Variants in ATXN10 observed in about 807,000 individuals in gnomAD.
The protein encoded by ATXN10 is ataxin 10, also known as ataxin-10.
Under a neutral mutation model 52.9 loss-of-function variants are expected in ATXN10, and 28 were observed. The ratio of observed to expected loss-of-function variants is 0.53; its 90% CI spans 0.39 to 0.73. The LOEUF is 0.73. ATXN10 is among the 30% of genes least tolerant of loss of function. The pLI, the probability that ATXN10 is intolerant of heterozygous loss-of-function variation, is 0.00. For synonymous variants in ATXN10, 226 were observed against 221.5 expected, an observed-to-expected ratio of 1.02 and a Z score of -0.18; for missense variants, 565 against 577.0, an observed-to-expected ratio of 0.98 and a Z score of 0.21.
chr22:45,844,567 A>C lies in ATXN10; in HGVS notation c.*896A>C, dbSNP rs1433118428. On this transcript the variant is annotated 3_prime_UTR_variant, in exon 12 of 12. Transcript: ENST00000252934. Reference sequence around the variant, plus strand: ...GGGAGCAGGAGTTTATTTGACATCTAGTTATCTGTCTGTCTGTTCATCTAT... The same window carrying C: ...GGGAGCAGGAGTTTATTTGACATCTCGTTATCTGTCTGTCTGTTCATCTAT... The C allele has an allele frequency of 6.6e-6, 1 of 152,216 alleles. No homozygotes were observed. Among genetic ancestry groups the C allele is most frequent in the African/African-American group, 2.4e-5 (1 of 41,454 alleles). The allele number at this position is 152,216 out of a possible 1,614,324, so 9.4% of individuals were successfully genotyped here. A position where few individuals can be genotyped will look rare whatever the true frequency, so the allele number is the denominator to read the frequency against.
At position 45,790,359 on chromosome 22, in the gene ATXN10, G is replaced by A. The variant is rs1000360356; in HGVS notation, c.1174-16600G>A. The stretch of plus-strand genomic sequence containing the variant: ...AATTAAAAAAGTTAACAGGACACGA[G>A]ATTATCAAAACATTGCCCCCCCGCC... On this transcript the variant is annotated intron_variant, in intron 9 of 11. Transcript: ENST00000252934. The surrounding 1 kb of genome is among the most constrained non-coding windows in gnomAD (Gnocchi z 4.7). Among the ~76,000 whole-genome samples, 1 of 152,020 alleles carries A rather than the reference G, an allele frequency of 6.6e-6. No homozygotes were observed. Among genetic ancestry groups the A allele is most frequent in the East Asian group, 1.9e-4 (1 of 5,186 alleles).
At chr22:45,831,784 A>C (rs1929000513) in intron 10 of ATXN10, among the ~76,000 whole-genome samples, 1 of 152,138 alleles carries the variant, frequency 6.6e-6, no homozygotes, top group South Asian at 2.1e-4. Context: ...ACATATTGAG[A>C]GATCATTTTG....
chr22:45,711,359 C>T (rs1027726740), intron 5 of ATXN10, among the ~76,000 whole-genome samples: 1 of 151,956 alleles, frequency 6.6e-6, no homozygotes, highest in African/African-American at 2.4e-5. Flanking sequence ...TAGTGGTTGT[C>T]GGGGATTGAG....
intron 9 of ATXN10, among the ~76,000 whole-genome samples, chr22:45,778,461 T>C (rs1389586492): frequency 6.6e-6 from 1 of 152,216 alleles, no homozygotes; most frequent in Admixed American, 6.5e-5. Flanking sequence ...AAAGCATAAG[T>C]AGAGTACATG....
At chr22:45,748,661 G>A (rs1925831407) in intron 9 of ATXN10, among the ~76,000 whole-genome samples, 4 of 152,092 alleles carry the variant, frequency 2.6e-5, no homozygotes, top group African/African-American at 2.4e-5. Flanking sequence ...CGTTTTTCCT[G>A]TGTTTTTCCT....
chr22:45,707,962 A>G (rs575106979), intron 5 of ATXN10, among the ~76,000 whole-genome samples: 7 of 152,350 alleles, frequency 4.6e-5, no homozygotes, highest in Admixed American at 3.9e-4. Context: ...GTGGCAAATA[A>G]TACAAAACTA....
At chr22:45,747,282 A>T (rs1007403180) in intron 9 of ATXN10, among the ~76,000 whole-genome samples, 1 of 152,034 alleles carries the variant, frequency 6.6e-6, no homozygotes, top group Non-Finnish European at 1.5e-5. Context: ...GAGGCGGGAG[A>T]TTGTTTGAGC....
chr22:45,763,574 AC>A lies in ATXN10; in HGVS notation c.1173+23040del, dbSNP rs745560187. On this transcript the variant is annotated intron_variant, in intron 9 of 11. Transcript: ENST00000252934. This position sits in a 1 kb window ranked among gnomAD's most constrained non-coding sequence, Gnocchi z 6.9. ...CTGCCCCCTACCTGTTAAAAGTCGG[AC>A]CCCACCACGCCCCCCACCTCTCTGT... Among the ~76,000 whole-genome samples, 69 of 151,480 alleles carry A rather than the reference AC, an allele frequency of 4.6e-4. No homozygotes were observed. Among genetic ancestry groups the A allele is most frequent in the Non-Finnish European group, 8.6e-4 (58 of 67,824 alleles).
At position 45,789,430 on chromosome 22, in the gene ATXN10, G is replaced by A. The variant is rs142366784; in HGVS notation, c.1174-17529G>A. Among the ~76,000 whole-genome samples the A allele has an allele frequency of 6.6e-6, 1 of 152,244 alleles. No homozygotes were observed. Among genetic ancestry groups the A allele is most frequent in the East Asian group, 1.9e-4 (1 of 5,184 alleles). On this transcript the variant is annotated intron_variant, in intron 9 of 11. Coordinates refer to ENST00000252934, the MANE Select transcript of ATXN10 (RefSeq NM_013236.4). The surrounding 1 kb of genome is among the most constrained non-coding windows in gnomAD (Gnocchi z 4.0). The stretch of plus-strand genomic sequence containing the variant: ...CCGGGCAAGGGATGCAAGGATGAGT[G>A]GAAACATGGCTCTTGTCATTGAAAG...
At chr22:45,691,650 C>CT (rs1923382756) in intron 2 of ATXN10, among the ~76,000 whole-genome samples, 1 of 152,244 alleles carries the variant, frequency 6.6e-6, no homozygotes, top group Non-Finnish European at 1.5e-5. Flanking sequence ...AATCCCAACA[C>CT]TTTGGGAGGC....
chr22:45,680,422 C>T (rs1922874948), intron 1 of ATXN10, among the ~76,000 whole-genome samples: 1 of 152,098 alleles, frequency 6.6e-6, no homozygotes, highest in South Asian at 2.1e-4. Context: ...GGATTCAATG[C>T]CATTCATAAT....
intron 9 of ATXN10, among the ~76,000 whole-genome samples, chr22:45,776,732 A>T (rs2146848116): frequency 6.6e-6 from 1 of 152,338 alleles, no homozygotes; most frequent in South Asian, 2.1e-4. Flanking sequence ...AACACAAACG[A>T]TAATATATGT....
chr22:45,842,208 A>G lies in ATXN10; in HGVS notation c.1238-783A>G, dbSNP rs1192752176. On this transcript the variant is annotated intron_variant, in intron 10 of 11. Transcript: ENST00000252934. This position sits in a 1 kb window ranked among gnomAD's most constrained non-coding sequence, Gnocchi z 4.8. ...TTTTTGTACAGTCCTTTATAGAACTACATATAATAGCTTAATGTTTGCATG... is the reference window on the plus strand; with the variant it reads ...TTTTTGTACAGTCCTTTATAGAACTGCATATAATAGCTTAATGTTTGCATG... 6.6e-6 allele frequency among the ~76,000 whole-genome samples: 1 copy of G among 152,178 alleles called. No individual in the cohort carries two copies. The highest frequency in any genetic ancestry group is 2.4e-5 in the African/African-American group (1 of 41,428).
Position 45,840,274 on chromosome 22 carries a change from C to G in ATXN10, c.1238-2717C>G, listed in dbSNP as rs964718662. Among the ~76,000 whole-genome samples the G allele has an allele frequency of 1.3e-5, 2 of 151,982 alleles. No homozygotes were observed. The highest frequency in any genetic ancestry group is 4.1e-4 in the South Asian group (2 of 4,822). On this transcript the variant is annotated intron_variant, in intron 10 of 11. Coordinates refer to ENST00000252934, the MANE Select transcript of ATXN10 (RefSeq NM_013236.4). The surrounding 1 kb of genome is among the most constrained non-coding windows in gnomAD (Gnocchi z 5.8). ...GTCAATTAGATGGGGCTCCTGCCCTCGAGGAACTCACAGACTCATAAGCAG... is the reference window on the plus strand; with the variant it reads ...GTCAATTAGATGGGGCTCCTGCCCTGGAGGAACTCACAGACTCATAAGCAG...
chr22:45,734,359 A>G (rs1240054284), intron 7 of ATXN10: 1 of 264,178 alleles, frequency 3.8e-6, no homozygotes, highest in Non-Finnish European at 8.1e-6. Context: ...TTTAAAATGC[A>G]TTTATTAAAA....
chr22:45,681,469 T>C lies in ATXN10; in HGVS notation c.117-8243T>C, dbSNP rs972854561. Among the ~76,000 whole-genome samples the C allele has an allele frequency of 1.3e-5, 2 of 152,218 alleles. No individual in the cohort carries two copies. Among genetic ancestry groups the C allele is most frequent in the African/African-American group, 4.8e-5 (2 of 41,458 alleles). On this transcript the variant is annotated intron_variant, in intron 1 of 11. Coordinates refer to ENST00000252934, the MANE Select transcript of ATXN10 (RefSeq NM_013236.4). This position sits in a 1 kb window ranked among gnomAD's most constrained non-coding sequence, Gnocchi z 4.2. ...TTCCTATTTACTACCCCTTTTGTTT[T>C]TCATTCCCCTTCTTAATGTTCACAT... is the stretch of plus-strand genomic sequence containing the variant.
At chr22:45,693,913 A>G (rs914378533) in intron 3 of ATXN10, among the ~76,000 whole-genome samples, 2 of 152,194 alleles carry the variant, frequency 1.3e-5, no homozygotes, top group South Asian at 2.1e-4. Flanking sequence ...AGAACTGTGT[A>G]AAAATAAATG....
intron 5 of ATXN10, among the ~76,000 whole-genome samples, chr22:45,713,578 T>C (rs554700058): frequency 6.6e-6 from 1 of 152,360 alleles, no homozygotes; most frequent in African/African-American, 2.4e-5. Context: ...AGAAATACTG[T>C]CACTCTTTAG....
At chr22:45,698,779 G>A (rs1367328324) in intron 3 of ATXN10, among the ~76,000 whole-genome samples, 2 of 152,196 alleles carry the variant, frequency 1.3e-5, no homozygotes, top group African/African-American at 4.8e-5. Flanking sequence ...AATTTTAGTT[G>A]GAATTCAGCA....
Sources: allele counts gnomAD v4.1 joint callset (sites outside exome capture counted in the v4.1 genomes callset), GRCh38; gene constraint gnomAD v4.1.1; non-coding constraint Gnocchi (gnomAD v3.1); transcripts MANE v1.5; gene names NCBI Gene and HGNC (gene_info 2026-07-23, HGNC 2026-07-21).